Variants in ARFGEF1 observed in about 807,000 individuals in gnomAD.
The protein encoded by ARFGEF1 is ARF guanine nucleotide exchange factor 1.
ARFGEF1 carries 42 observed loss-of-function variants against 231.0 expected under a neutral mutation model. That is an observed-to-expected ratio of 0.18 (90% CI 0.14 to 0.24). The LOEUF (loss-of-function observed/expected upper bound fraction) is 0.24. Among genes scored for constraint, ARFGEF1 ranks in the 10% least tolerant of loss-of-function variants. ARFGEF1 has a pLI of 1.00. For missense variants in ARFGEF1, 1,345 were observed against 2,192.0 expected, an observed-to-expected ratio of 0.61 and a Z score of 7.72; for synonymous variants, 710 against 732.3, an observed-to-expected ratio of 0.97 and a Z score of 0.49.
intron 7 of ARFGEF1, among the ~76,000 whole-genome samples, chr8:67,278,099 G>C (rs1228659064): frequency 6.6e-6 from 1 of 152,028 alleles, no homozygotes; most frequent in East Asian, 1.9e-4. Flanking sequence ...GTGACTTCTG[G>C]TAGAACAAAC....
At chr8:67,180,849 G>T (rs1832826441) in intron 5 of ARFGEF1, among the ~76,000 whole-genome samples, 1 of 151,780 alleles carries the variant, frequency 6.6e-6, no homozygotes. Flanking sequence ...AGGTACCATG[G>T]GATCTTCTTT....
At chr8:67,298,351 A>T (rs2128913588) in intron 4 of ARFGEF1, among the ~76,000 whole-genome samples, 1 of 152,302 alleles carries the variant, frequency 6.6e-6, no homozygotes. Flanking sequence ...AAACATTACT[A>T]ATTTTTCTCC....
rs770578752 is a variant in ARFGEF1, at chr8:67,204,778, A to G, written c.4861T>C (p.Cys1621Arg). Residue 1621 changes from cysteine to arginine, a missense_variant, in exon 35 of 39, where the codon TGT (cysteine) becomes CGT (arginine). Physicochemically the swap from Cys to Arg is radical, Grantham distance 180 (BLOSUM62 -3). This residue lies in a region of ARFGEF1 where 161 missense variants were observed against 284.9 expected (regional missense o/e 0.57). Transcript: ENST00000262215. ...TGGATGAGTTCCAGCTGCACAACAC[A>G]TTTAATCAACAGGGCAGCAAACAAT... ...QKLFAALLIK[C>R]VVQLELIQTI... The G allele has an allele frequency of 1.2e-6, 2 of 1,614,050 alleles. No individual in the cohort carries two copies. The highest frequency in any genetic ancestry group is 1.7e-6 in the Non-Finnish European group (2 of 1,179,984).
chr8:67,222,269 A>ATGTT (rs1483190587), intron 29 of ARFGEF1, among the ~76,000 whole-genome samples: 1 of 101,970 alleles, frequency 9.8e-6, no homozygotes, highest in South Asian at 3.4e-4. Context: ...GTATGTATGT[A>ATGTT]TTTTTTTTTT....
chr8:67,292,710 A>T (rs1421743864), intron 5 of ARFGEF1, among the ~76,000 whole-genome samples: 1 of 152,146 alleles, frequency 6.6e-6, no homozygotes, highest in Non-Finnish European at 1.5e-5. Flanking sequence ...AACTGTCATT[A>T]TTATGTATAT....
Position 67,257,805 on chromosome 8 carries a change from A to C in ARFGEF1, c.2453T>G (p.Phe818Cys). 6.2e-7 allele frequency: 1 copy of C among 1,606,306 alleles called. No individual in the cohort carries two copies. The highest frequency in any genetic ancestry group is 8.5e-7 in the Non-Finnish European group (1 of 1,178,058). Reference protein sequence around the residue: ...YLECNQGQTLFASADTAYVLA... With the variant: ...YLECNQGQTLCASADTAYVLA... The stretch of plus-strand genomic sequence containing the variant: ...AACATAAGCTGTATCCGCACTAGCA[A>C]AGAGAGTTTGTCTGGAAAAATAAAT... Residue 818 changes from phenylalanine to cysteine, a missense_variant, in exon 17 of 39, where the codon TTT becomes TGT. By Grantham distance (205) the Phe-to-Cys change is radical (BLOSUM62 -2). Around this residue, in one of 14 missense-constraint regions of ARFGEF1, gnomAD observed 58 missense variants for 133.6 expected, o/e 0.43. Transcript: ENST00000262215.
chr8:67,265,785 G>T (rs903052411), intron 14 of ARFGEF1, among the ~76,000 whole-genome samples: 2 of 152,044 alleles, frequency 1.3e-5, no homozygotes, highest in Non-Finnish European at 1.5e-5. Flanking sequence ...TTATAATATG[G>T]TGACAAATTA....
At chr8:67,316,507 C>T (rs1043402865) in intron 1 of ARFGEF1, among the ~76,000 whole-genome samples, 3 of 151,766 alleles carry the variant, frequency 2.0e-5, no homozygotes, top group Non-Finnish European at 4.4e-5. Flanking sequence ...GTTGCCCAGG[C>T]TGGAGTGCAG....
At chr8:67,261,329 G>A (rs1190240215) in intron 14 of ARFGEF1, among the ~76,000 whole-genome samples, 1 of 152,166 alleles carries the variant, frequency 6.6e-6, no homozygotes, top group South Asian at 2.1e-4. Context: ...GCTCTCTTAG[G>A]GGCTAATGTA....
intron 5 of ARFGEF1, among the ~76,000 whole-genome samples, chr8:67,294,060 G>A (rs774364098): frequency 1.3e-5 from 2 of 151,846 alleles, no homozygotes; most frequent in Non-Finnish European, 2.9e-5. Flanking sequence ...GAACAAACAT[G>A]TACAGACAAC....
chr8:67,231,472 T>A (rs746041245), intron 23 of ARFGEF1, among the ~76,000 whole-genome samples: 4 of 152,080 alleles, frequency 2.6e-5, no homozygotes, highest in Non-Finnish European at 4.4e-5. Context: ...ATGAGTAACA[T>A]GTCCCTCTGT....
intron 29 of ARFGEF1, among the ~76,000 whole-genome samples, chr8:67,221,330 C>T (rs181094812): frequency 6.6e-6 from 1 of 152,272 alleles, no homozygotes. Flanking sequence ...GAGATGACAG[C>T]TCCATATGTG....
chr8:67,329,975 C>T (rs908440953), intron 1 of ARFGEF1, among the ~76,000 whole-genome samples: 42 of 151,812 alleles, frequency 2.8e-4, no homozygotes, highest in African/African-American at 9.9e-4. Flanking sequence ...AAAGGCTACT[C>T]AATTTAATAA....
At position 67,329,174 on chromosome 8, in the gene ARFGEF1, C is replaced by T. The variant is rs141158839; in HGVS notation, c.124+13990G>A. ...TCGAGAGGCGGAGATGGCCGTGAGC[C>T]GACATGGCACCACCGCACTCCAGCC... On this transcript the variant is annotated intron_variant, in intron 1 of 38. Coordinates refer to ENST00000262215, the MANE Select transcript of ARFGEF1 (RefSeq NM_006421.5). Among the ~76,000 whole-genome samples the T allele has an allele frequency of 6.5e-3, 986 of 151,918 alleles. 7 individuals carry two copies. The highest frequency in any genetic ancestry group is 0.023 in the African/African-American group (941 of 41,432).
intron 29 of ARFGEF1, among the ~76,000 whole-genome samples, 160 bp downstream of exon 29, chr8:67,224,743 A>T (rs1839314525): frequency 6.6e-6 from 1 of 152,196 alleles, no homozygotes; most frequent in African/African-American, 2.4e-5. Flanking sequence ...AATATTTTTA[A>T]ATCATATTAA....
Position 67,230,780 on chromosome 8 carries a change from T to A in ARFGEF1, c.3380+2075A>T, listed in dbSNP as rs536843427. Among the ~76,000 whole-genome samples the A allele has an allele frequency of 2.0e-5, 3 of 152,224 alleles. No homozygotes were observed. The South Asian group carries it at 6.2e-4, about 32-fold the overall frequency. ...AATATTCATTATGAAATTGGTCTAA[T>A]TTAACAACACATAAAAAATTCTATC... On this transcript the variant is annotated intron_variant, in intron 23 of 38. Coordinates refer to ENST00000262215, the MANE Select transcript of ARFGEF1 (RefSeq NM_006421.5).
chr8:67,265,945 G>T, intron 14 of ARFGEF1, 61 bp downstream of exon 14: 1 of 1,505,486 alleles, frequency 6.6e-7, no homozygotes, highest in Non-Finnish European at 9.2e-7. Flanking sequence ...CCACGGCAGG[G>T]GTGGCACTAT....
At chr8:67,334,137 A>C (rs969371887) in intron 1 of ARFGEF1, among the ~76,000 whole-genome samples, 24 of 134,454 alleles carry the variant, frequency 1.8e-4, no homozygotes, top group Non-Finnish European at 3.1e-5. Flanking sequence ...ACTCCGTCTC[A>C]AAAAAAAAAA....
intron 1 of ARFGEF1, among the ~76,000 whole-genome samples, chr8:67,318,920 C>G (rs1187480291): frequency 6.6e-6 from 1 of 152,210 alleles, no homozygotes; most frequent in Non-Finnish European, 1.5e-5. Context: ...CTGCAGTGAG[C>G]TAGGCTCATG....
Sources: gnomAD v4.1 joint callset for allele counts (sites outside exome capture counted in the v4.1 genomes callset) on GRCh38, gnomAD v4.1.1 for gene constraint, gnomAD v4.1.1 regional missense constraint, MANE v1.5 for transcripts, NCBI Gene and HGNC (gene_info 2026-07-23, HGNC 2026-07-21) for gene names.